The following NLGN1 variants were observed in gnomAD, a reference collection of about 807,000 sequenced individuals.
The protein encoded by NLGN1 is neuroligin 1.
A neutral mutation model predicts 65.5 loss-of-function variants in NLGN1; 12 were observed. That is an observed-to-expected ratio of 0.18 (90% CI 0.12 to 0.30). NLGN1 has a LOEUF of 0.30. Among genes scored for constraint, NLGN1 ranks in the 10% least tolerant of loss-of-function variants. The pLI is 1.00. For synonymous variants in NLGN1, 350 were observed against 359.5 expected, an observed-to-expected ratio of 0.97 and a Z score of 0.30; for missense variants, 750 against 1,007.1, an observed-to-expected ratio of 0.74 and a Z score of 3.46.
At chr3:173,599,547 A>C (rs1337044195) in intron 2 of NLGN1, among the ~76,000 whole-genome samples, 1 of 152,108 alleles carries the variant, frequency 6.6e-6, no homozygotes, top group Admixed American at 6.6e-5. Flanking sequence ...CTTGGTCATC[A>C]AGTTTCACCA....
At chr3:173,889,290 G>A (rs73035436) in intron 4 of NLGN1, among the ~76,000 whole-genome samples, 2,562 of 152,134 alleles carry the variant, frequency 0.017, 72 homozygotes, top group African/African-American at 0.058. Flanking sequence ...ATGACAAGAC[G>A]GTTATTGGGA....
chr3:173,921,150 C>T (rs1224711266), intron 4 of NLGN1, among the ~76,000 whole-genome samples: 5 of 146,074 alleles, frequency 3.4e-5, no homozygotes. Context: ...GAATTTGGTC[C>T]TTAATATATA....
At chr3:173,640,122 G>A (rs937071969) in intron 3 of NLGN1, among the ~76,000 whole-genome samples, 2 of 152,080 alleles carry the variant, frequency 1.3e-5, no homozygotes, top group Non-Finnish European at 2.9e-5. Flanking sequence ...GATGCATAAT[G>A]TACCAAGTAT....
At position 173,940,080 on chromosome 3, in the gene NLGN1, C is replaced by CTTTTTTTTTTTTTTTTTTT. The variant is rs531013909; in HGVS notation, c.646+132255_646+132273dup. On this transcript the variant is annotated intron_variant, in intron 4 of 6. Transcript: ENST00000457714. ...AAATTTTACACTCAAATAGTTATAG[C>CTTTTTTTTTTTTTTTTTTT]TTTTTTTTTTTTTTTTTTTTTTTTT... is the stretch of plus-strand genomic sequence containing the variant. Among the ~76,000 whole-genome samples the CTTTTTTTTTTTTTTTTTTT allele has an allele frequency of 4.5e-4, 34 of 75,434 alleles. 3 individuals are homozygous for CTTTTTTTTTTTTTTTTTTT. The highest frequency in any genetic ancestry group is 1.6e-3 in the South Asian group (3 of 1,864). 49.5% of individuals were successfully genotyped at this position (75,434 alleles called of 152,430 possible). A position where few individuals can be genotyped will look rare whatever the true frequency, so the allele number is the denominator to read the frequency against.
At chr3:173,460,284 G>A (rs746403216) in intron 2 of NLGN1, among the ~76,000 whole-genome samples, 8 of 151,998 alleles carry the variant, frequency 5.3e-5, no homozygotes, top group Non-Finnish European at 1.2e-4. Flanking sequence ...ATTAAAGGAG[G>A]CAACATGCTT....
chr3:173,466,663 G>C (rs1021024478), intron 2 of NLGN1, among the ~76,000 whole-genome samples: 1 of 152,150 alleles, frequency 6.6e-6, no homozygotes, highest in African/African-American at 2.4e-5. Flanking sequence ...CCAAAAACTG[G>C]AGAAATGCAA....
At chr3:173,706,819 G>A (rs1312119832) in intron 3 of NLGN1, among the ~76,000 whole-genome samples, 3 of 152,140 alleles carry the variant, frequency 2.0e-5, no homozygotes, top group African/African-American at 4.8e-5. Flanking sequence ...GCACACACAC[G>A]CCCACGCGTG....
At chr3:174,111,007 C>T (rs761750038) in intron 4 of NLGN1, among the ~76,000 whole-genome samples, 1 of 151,994 alleles carries the variant, frequency 6.6e-6, no homozygotes, top group Non-Finnish European at 1.5e-5. Context: ...TCCTTATACA[C>T]ACTTGGGCAC....
At chr3:174,023,877 G>A (rs1728272725) in intron 4 of NLGN1, among the ~76,000 whole-genome samples, 2 of 152,086 alleles carry the variant, frequency 1.3e-5, no homozygotes, top group Admixed American at 1.3e-4. Flanking sequence ...AGACTGATCT[G>A]GAAAATGGGA....
Position 173,550,637 on chromosome 3 carries a change from AAT to A in NLGN1, c.-320-53641_-320-53640del, listed in dbSNP as rs1740678332. ...TTTACAAACCACATTTGTAACCTGC[AAT>A]GTCTTTTTGAGACCATTAGACAGCT... On this transcript the variant is annotated intron_variant, in intron 2 of 6. Transcript: ENST00000457714. 1.3e-4 allele frequency among the ~76,000 whole-genome samples: 4 copies of A among 31,826 alleles called. No individual in the cohort carries two copies. In the South Asian group the frequency reaches 4.8e-3, roughly 38 times the overall value. The allele number at this position is 31,826 out of a possible 152,430, so 20.9% of individuals were successfully genotyped here.
rs148904324 is a variant in NLGN1 at position 173,715,629 on chromosome 3, A to G, written c.494-92051A>G. On this transcript the variant is annotated intron_variant, in intron 3 of 6. Transcript: ENST00000457714. ...TTTATTTTCTCTTCATTTTCTGTCC[A>G]TTGAATGGTGTATAGAACTTATTAT... 1.6e-3 allele frequency among the ~76,000 whole-genome samples: 245 copies of G among 152,184 alleles called. 2 individuals are homozygous for G. Among genetic ancestry groups the G allele is most frequent in the African/African-American group, 5.7e-3 (235 of 41,524 alleles).
chr3:173,722,845 G>A (rs1172545955), intron 3 of NLGN1, among the ~76,000 whole-genome samples: 1 of 152,194 alleles, frequency 6.6e-6, no homozygotes, highest in African/African-American at 2.4e-5. Context: ...CATCTACTAT[G>A]TGCCAGGCAC....
At position 174,279,053 on chromosome 3, in the gene NLGN1, G is replaced by A. The variant is rs778171189; in HGVS notation, c.1052G>A (p.Arg351Gln). Residue 351 changes from arginine (R) to glutamine (Q), a missense_variant, in exon 6 of 7, where the codon CGA (arginine) becomes CAA (glutamine). Transcript: ENST00000457714. This position sits in a 1 kb window ranked among gnomAD's most constrained non-coding sequence, Gnocchi z 4.7. ...GTTGACCAAGATATTCAACCAGCTC[G>A]ATACCACATAGCCTTTGGACCTGTG... is the stretch of plus-strand genomic sequence containing the variant. 15 of 1,611,630 alleles carry A rather than the reference G, an allele frequency of 9.3e-6. No individual in the cohort carries two copies. The highest frequency in any genetic ancestry group is 2.7e-5 in the African/African-American group (2 of 74,862).
intron 4 of NLGN1, among the ~76,000 whole-genome samples, chr3:174,241,794 G>A (rs1742897883): frequency 6.6e-6 from 1 of 152,064 alleles, no homozygotes; most frequent in Admixed American, 6.5e-5. Flanking sequence ...GAGCAGCTGG[G>A]ACTACAGGCG....
intron 4 of NLGN1, among the ~76,000 whole-genome samples, chr3:173,897,140 C>A (rs1736482893): frequency 6.6e-6 from 1 of 152,106 alleles, no homozygotes; most frequent in South Asian, 2.1e-4. Flanking sequence ...CCACTGATCC[C>A]ATGATTGTTT....
At chr3:173,898,994 G>A (rs1254336414) in intron 4 of NLGN1, among the ~76,000 whole-genome samples, 1 of 152,044 alleles carries the variant, frequency 6.6e-6, no homozygotes, top group Non-Finnish European at 1.5e-5. Context: ...TTCTTTCCAA[G>A]AATAATAAAA....
At chr3:173,396,976 C>T (rs1366828415), upstream of NLGN1, among the ~76,000 whole-genome samples, 1 of 152,066 alleles carries the variant, frequency 6.6e-6, no homozygotes, top group African/African-American at 2.4e-5. Context: ...GAAATCGTGT[C>T]CTTTATAAAA....
At chr3:173,947,435 A>G (rs935179731) in intron 4 of NLGN1, among the ~76,000 whole-genome samples, 1 of 152,222 alleles carries the variant, frequency 6.6e-6, no homozygotes, top group Admixed American at 6.5e-5. Context: ...AGCACTTTGT[A>G]TATTTTAACT....
chr3:174,028,038 C>G (rs1393060262), intron 4 of NLGN1, among the ~76,000 whole-genome samples: 1 of 152,152 alleles, frequency 6.6e-6, no homozygotes, highest in Non-Finnish European at 1.5e-5. Flanking sequence ...TTCCTGCCAC[C>G]ATGTAAGATG....
Sources: allele counts gnomAD v4.1 joint callset (sites outside exome capture counted in the v4.1 genomes callset), GRCh38; gene constraint gnomAD v4.1.1; non-coding constraint Gnocchi (gnomAD v3.1); transcripts MANE v1.5; gene names NCBI Gene and HGNC (gene_info 2026-07-23, HGNC 2026-07-21).